The following AATK variants were observed in gnomAD, a reference collection of about 807,000 sequenced individuals.
AATK encodes the protein serine/threonine-protein kinase LMTK1.
Under a neutral mutation model 114.3 loss-of-function variants are expected in AATK, and 91 were observed. The ratio of observed to expected loss-of-function variants is 0.80; its 90% CI spans 0.67 to 0.95. AATK has a LOEUF of 0.95. AATK is among the 40% of genes least tolerant of loss of function. AATK has a pLI of 0.00. For missense variants in AATK, 2,176 were observed against 1,965.2 expected, an observed-to-expected ratio of 1.11 and a Z score of -2.03; for synonymous variants, 1,075 against 916.5, an observed-to-expected ratio of 1.17 and a Z score of -3.12.
intron 7 of AATK, 42 bp from the exon 8 acceptor site, chr17:81,125,056 A>T (rs76617900): frequency 1.3e-4 from 143 of 1,077,384 alleles, no homozygotes; most frequent in African/African-American, 1.7e-4. Flanking sequence ...GAGCAGGGTG[A>T]GCAGGGTGTG....
intron 1 of AATK, among the ~76,000 whole-genome samples, chr17:81,157,563 T>C (rs1306075524): frequency 6.6e-6 from 1 of 152,038 alleles, no homozygotes; most frequent in Non-Finnish European, 1.5e-5. Context: ...AACCCTGCAA[T>C]CAAACATGGG....
At position 81,126,465 on chromosome 17, in the gene AATK, A is replaced by G; in HGVS notation, c.717T>C (p.Cys239=). 3 of 1,559,368 alleles carry G rather than the reference A, an allele frequency of 1.9e-6. No homozygotes were observed. Among genetic ancestry groups the G allele is most frequent in the Non-Finnish European group, 2.6e-6 (3 of 1,151,834 alleles). ...TLQRMACEVA[C]GVLHLHRNNF... ...TGTTGCGATGAAGGTGCAGGACGCCACAGGCCACCTCACAGGCCATGCGCT... is the reference window on the plus strand; with the variant it reads ...TGTTGCGATGAAGGTGCAGGACGCCGCAGGCCACCTCACAGGCCATGCGCT... Residue 239 remains cysteine, a synonymous_variant, in exon 7 of 14, where the codon TGT becomes TGC. Coordinates refer to ENST00000326724, the MANE Select transcript of AATK (RefSeq NM_001080395.3). This position sits in a 1 kb window ranked among gnomAD's most constrained non-coding sequence, Gnocchi z 5.1.
At chr17:81,160,356 C>T (rs1363040620) in intron 1 of AATK, 3 of 619,292 alleles carry the variant, frequency 4.8e-6, no homozygotes, top group East Asian at 1.4e-4. Flanking sequence ...CCCCAGGCCC[C>T]GGTCCCTGCG....
intron 6 of AATK, among the ~76,000 whole-genome samples, chr17:81,127,196 A>C (rs1286454186): frequency 6.6e-6 from 1 of 151,822 alleles, no homozygotes; most frequent in Non-Finnish European, 1.5e-5. Context: ...CAGCCTGGGG[A>C]AGTGGCCAGG....
At chr17:81,160,309 G>GC in intron 1 of AATK, 1 of 919,676 alleles carries the variant, frequency 1.1e-6, no homozygotes, top group Non-Finnish European at 1.3e-6. Context: ...GAGGACCCCA[G>GC]CCCGCCCCAG....
chr17:81,123,296 G>T lies in AATK; in HGVS notation c.1010C>A (p.Pro337His). ...CTGCTGGTCCGAGTGCTGGGGATAG[G>T]GCTGCGTGCCCAGCTCAAAGAGCTC... ...IWELFELGTQ[P>H]YPQHSDQQVL... is the part of the protein sequence containing the mutation. Residue 337 changes from proline (P) to histidine (H), a missense_variant, in exon 10 of 14, where the codon CCC becomes CAC. Pro to His is a moderately conservative substitution (Grantham distance 77, BLOSUM62 -2). Around this residue, in one of 4 missense-constraint regions of AATK, gnomAD observed 273 missense variants for 344.1 expected, o/e 0.79. Transcript: ENST00000326724. 1 of 1,402,796 alleles carries T rather than the reference G, an allele frequency of 7.1e-7. No individual in the cohort carries two copies. 86.9% of individuals were successfully genotyped at this position (1,402,796 alleles called of 1,614,324 possible).
chr17:81,131,208 G>A lies in AATK; in HGVS notation c.190-3C>T. ...TCCCCCTCCGCATTCTCAAACTCCT[G>A]CGGGCCGGGCCGGGCATGAGCGGGG... On this transcript the variant is annotated splice_region_variant and splice_polypyrimidine_tract_variant and intron_variant, in intron 2 of 13. Transcript: ENST00000326724. 1.9e-6 allele frequency: 3 copies of A among 1,571,362 alleles called. No individual in the cohort carries two copies. Among genetic ancestry groups the A allele is most frequent in the Non-Finnish European group, 2.6e-6 (3 of 1,162,520 alleles).
chr17:81,137,231 C>T (rs1361670230), intron 1 of AATK, among the ~76,000 whole-genome samples: 9 of 150,536 alleles, frequency 6.0e-5, no homozygotes, highest in African/African-American at 2.2e-4. Context: ...GCACTCCAGC[C>T]TGGGTGACAG....
Position 81,131,818 on chromosome 17 carries a change from C to T in AATK, c.190-613G>A, listed in dbSNP as rs973767868. The stretch of plus-strand genomic sequence containing the variant: ...GTCCTGTGGGAGAAGCAATTAAGTG[C>T]CCCCACCCCTGCCGGGACAAGGAGC... On this transcript the variant is annotated intron_variant, in intron 2 of 13. Transcript: ENST00000326724. The T allele has an allele frequency of 1.1e-5, 14 of 1,286,450 alleles. No homozygotes were observed. In the Admixed American group the frequency reaches 3.3e-4, roughly 30 times the overall value. The allele number at this position is 1,286,450 out of a possible 1,614,324, so 79.7% of individuals were successfully genotyped here. A position where few individuals can be genotyped will look rare whatever the true frequency, so the allele number is the denominator to read the frequency against.
chr17:81,134,450 G>A lies in AATK; in HGVS notation c.107C>T (p.Ala36Val). 6.2e-7 allele frequency: 1 copy of A among 1,613,206 alleles called. No individual in the cohort carries two copies. The highest frequency in any genetic ancestry group is 1.1e-5 in the South Asian group (1 of 91,048). Residue 36 changes from alanine (A) to valine (V), a missense_variant, in exon 2 of 14, where the codon GCT (alanine) becomes GTT (valine). This residue lies in a region of AATK where 178 missense variants were observed against 175.4 expected (regional missense o/e 1.01). Coordinates refer to ENST00000326724, the MANE Select transcript of AATK (RefSeq NM_001080395.3). The stretch of plus-strand genomic sequence containing the variant: ...GGCGAAGAGCCCGGAGAAAGACACA[G>A]CCACCACGGCGAGGGAGGATGGCCA... Reference protein sequence around the residue: ...LSWPSSLAVVAVSFSGLFAVI... With the variant: ...LSWPSSLAVVVVSFSGLFAVI...
chr17:81,132,894 G>A (rs2060955078), intron 2 of AATK: 1 of 244,894 alleles, frequency 4.1e-6, no homozygotes, highest in Non-Finnish European at 8.4e-6. Context: ...CGCAGGAGGA[G>A]GAGCTATGGC....
intron 1 of AATK, among the ~76,000 whole-genome samples, chr17:81,150,943 A>G (rs1192472344): frequency 6.6e-6 from 1 of 152,204 alleles, no homozygotes; most frequent in East Asian, 1.9e-4. Flanking sequence ...TCCAGGGGTC[A>G]GGCCAGTGTC....
Position 81,121,774 on chromosome 17 carries a change from G to A in AATK, c.2162C>T (p.Pro721Leu), listed in dbSNP as rs765028859. ...PKQTPRASPE[P>L]GYPGEPLLGL... is the part of the protein sequence containing the mutation. ...AAGCAGAGGCTCTCCAGGGTACCCC[G>A]GCTCGGGGGAGGCCCGTGGGGTCTG... The change falls in exon 11 of 14, where the codon CCG becomes CTG. Residue 721 changes from proline (P) to leucine (L), a missense_variant. Coordinates refer to ENST00000326724, the MANE Select transcript of AATK (RefSeq NM_001080395.3). 33 of 1,541,322 alleles carry A rather than the reference G, an allele frequency of 2.1e-5. No individual in the cohort carries two copies. Among genetic ancestry groups the A allele is most frequent in the African/African-American group, 2.7e-5 (2 of 73,304 alleles).
chr17:81,131,260 G>A (rs1598930126), intron 2 of AATK, 55 bp from the exon 3 acceptor site: 1 of 1,508,652 alleles, frequency 6.6e-7, no homozygotes. Context: ...GAAGGGTGTG[G>A]CTGGGCCTGG....
intron 1 of AATK, among the ~76,000 whole-genome samples, chr17:81,162,936 G>A (rs2061443035): frequency 6.6e-6 from 1 of 152,180 alleles, no homozygotes; most frequent in Non-Finnish European, 1.5e-5. Flanking sequence ...TCAGGGATCA[G>A]CCATGGTAGG....
At chr17:81,159,132 G>A (rs1273342279) in intron 1 of AATK, among the ~76,000 whole-genome samples, 1 of 152,314 alleles carries the variant, frequency 6.6e-6, no homozygotes, top group East Asian at 1.9e-4. Context: ...ACAGCTAGCC[G>A]TGCCATGGCT....
intron 1 of AATK, among the ~76,000 whole-genome samples, chr17:81,138,943 CAT>C (rs914958359): frequency 6.6e-6 from 1 of 151,034 alleles, no homozygotes; most frequent in Non-Finnish European, 1.5e-5. Context: ...GGCACACACA[CAT>C]GCACACCCCC....
intron 1 of AATK, among the ~76,000 whole-genome samples, chr17:81,154,850 AAACTCCTGAC>A (rs1357443503): frequency 0.12 from 18,185 of 146,190 alleles, 2,197 homozygotes; most frequent in African/African-American, 0.27. Flanking sequence ...GGCTGGTCTC[AAACTCCTGAC>A]CTCAGGTGAT....
intron 1 of AATK, among the ~76,000 whole-genome samples, chr17:81,146,804 T>C (rs945821312): frequency 6.6e-6 from 1 of 151,576 alleles, no homozygotes; most frequent in Non-Finnish European, 1.5e-5. Context: ...AATTATAACA[T>C]GTCCAGTTTC....
Sources: gnomAD v4.1 joint callset for allele counts (sites outside exome capture counted in the v4.1 genomes callset) on GRCh38, gnomAD v4.1.1 for gene constraint, gnomAD v4.1.1 regional missense constraint, Gnocchi (gnomAD v3.1) non-coding constraint, MANE v1.5 for transcripts, NCBI Gene and HGNC (gene_info 2026-07-23, HGNC 2026-07-21) for gene names.